The following ZFPM2 variants were observed in gnomAD, a reference collection of about 807,000 sequenced individuals.
ZFPM2 encodes zinc finger protein ZFPM2.
ZFPM2 carries 20 observed loss-of-function variants against 98.6 expected under a neutral mutation model. The observed-to-expected ratio is 0.20, with a 90% CI of 0.14 to 0.29. ZFPM2 has a LOEUF of 0.29. ZFPM2 is among the 10% of genes least tolerant of loss of function. The pLI is 1.00. For synonymous variants in ZFPM2, 518 were observed against 502.7 expected, an observed-to-expected ratio of 1.03 and a Z score of -0.41; for missense variants, 1,310 against 1,388.6, an observed-to-expected ratio of 0.94 and a Z score of 0.90.
intron 4 of ZFPM2, among the ~76,000 whole-genome samples, chr8:105,617,400 A>G (rs922092970): frequency 1.3e-5 from 2 of 152,126 alleles, no homozygotes; most frequent in Admixed American, 6.5e-5. Flanking sequence ...AGCAACACCA[A>G]TCTAATCTGA....
At chr8:105,396,817 C>G (rs1397024184) in intron 1 of ZFPM2, among the ~76,000 whole-genome samples, 2 of 152,082 alleles carry the variant, frequency 1.3e-5, no homozygotes, top group Admixed American at 6.6e-5. Context: ...TTATTGTGTT[C>G]CAGTGGCTGT....
At chr8:105,327,208 G>C (rs923748696) in intron 1 of ZFPM2, among the ~76,000 whole-genome samples, 4 of 151,490 alleles carry the variant, frequency 2.6e-5, no homozygotes, top group Non-Finnish European at 5.9e-5. Context: ...TCTTGCAAGT[G>C]TAAGTTAATC....
intron 2 of ZFPM2, among the ~76,000 whole-genome samples, chr8:105,425,234 A>G (rs1240612422): frequency 2.6e-5 from 4 of 152,114 alleles, no homozygotes; most frequent in African/African-American, 9.7e-5. Context: ...CACAGAAGAG[A>G]GTTGCGGTAA....
rs550828802 is a variant in ZFPM2 at position 105,585,083 on chromosome 8, C to T, written c.420+23602C>T. Among the ~76,000 whole-genome samples, 7 of 152,288 alleles carry T rather than the reference C, an allele frequency of 4.6e-5. No individual in the cohort carries two copies. In the East Asian group the frequency reaches 1.4e-3, roughly 29 times the overall value. On this transcript the variant is annotated intron_variant, in intron 4 of 7. Coordinates refer to ENST00000407775, the MANE Select transcript of ZFPM2 (RefSeq NM_012082.4). Reference sequence around the variant, plus strand: ...GGGGCCTAATCCAGACAAGGCAGTGCTTCACACTGTAATCCTCATACATTA... The same window carrying T: ...GGGGCCTAATCCAGACAAGGCAGTGTTTCACACTGTAATCCTCATACATTA...
intron 4 of ZFPM2, among the ~76,000 whole-genome samples, chr8:105,588,919 A>G (rs958203366): frequency 6.6e-6 from 1 of 152,216 alleles, no homozygotes; most frequent in Non-Finnish European, 1.5e-5. Flanking sequence ...TGTTGAGAAG[A>G]TGGTCACAAA....
At chr8:105,456,606 T>A (rs1043972513) in intron 3 of ZFPM2, among the ~76,000 whole-genome samples, 6 of 152,300 alleles carry the variant, frequency 3.9e-5, no homozygotes, top group African/African-American at 1.4e-4. Flanking sequence ...CTACTCTGAA[T>A]CTACTATCCA....
intron 1 of ZFPM2, chr8:105,418,785 T>C (rs1220299751): frequency 7.8e-6 from 4 of 513,076 alleles, no homozygotes; most frequent in South Asian, 1.5e-5. Flanking sequence ...TAAAAGAGAC[T>C]TGTACTCTTT....
chr8:105,732,156 G>A (rs915553780), intron 5 of ZFPM2, among the ~76,000 whole-genome samples: 2 of 151,740 alleles, frequency 1.3e-5, no homozygotes, highest in Non-Finnish European at 2.9e-5. Flanking sequence ...ATTTGAAATA[G>A]CATTCGTATG....
chr8:105,423,224 T>C (rs1337558047), intron 2 of ZFPM2, among the ~76,000 whole-genome samples: 8 of 152,188 alleles, frequency 5.3e-5, no homozygotes, highest in Admixed American at 5.2e-4. Flanking sequence ...AATTCTTAAT[T>C]ATATAAGTCC....
At chr8:105,781,900 CAA>C (rs1333102041) in intron 5 of ZFPM2, among the ~76,000 whole-genome samples, 6 of 152,106 alleles carry the variant, frequency 3.9e-5, no homozygotes, top group Non-Finnish European at 7.4e-5. Context: ...GCCAATTATT[CAA>C]ACTTAGTAAT....
chr8:105,554,403 C>G (rs1256149551), intron 3 of ZFPM2, among the ~76,000 whole-genome samples: 1 of 152,216 alleles, frequency 6.6e-6, no homozygotes, highest in East Asian at 1.9e-4. Context: ...CATACTTCAG[C>G]CACCTTGGCT....
At chr8:105,672,066 TAA>T (rs1444082851) in intron 5 of ZFPM2, among the ~76,000 whole-genome samples, 3 of 152,298 alleles carry the variant, frequency 2.0e-5, no homozygotes, top group Admixed American at 6.5e-5. Flanking sequence ...ATCAAATAAA[TAA>T]AGTCTTATAC....
At chr8:105,670,636 T>A (rs1192114680) in intron 5 of ZFPM2, among the ~76,000 whole-genome samples, 1 of 152,170 alleles carries the variant, frequency 6.6e-6, no homozygotes, top group Non-Finnish European at 1.5e-5. Context: ...CCTGTACATT[T>A]TATACATTAC....
chr8:105,739,884 C>T (rs1160520260), intron 5 of ZFPM2, among the ~76,000 whole-genome samples: 2 of 151,948 alleles, frequency 1.3e-5, no homozygotes, highest in Non-Finnish European at 2.9e-5. Flanking sequence ...GCCATGCTTT[C>T]AGGGCTATTT....
At chr8:105,703,261 G>A (rs1196732959) in intron 5 of ZFPM2, among the ~76,000 whole-genome samples, 2 of 152,086 alleles carry the variant, frequency 1.3e-5, no homozygotes, top group Admixed American at 1.3e-4. Context: ...TGTCTACTTG[G>A]CACTGCACTT....
intron 3 of ZFPM2, among the ~76,000 whole-genome samples, chr8:105,485,234 G>T (rs1813206739): frequency 6.6e-6 from 1 of 152,168 alleles, no homozygotes; most frequent in African/African-American, 2.4e-5. Flanking sequence ...CAGCCAGCCT[G>T]CAGGGAGCAG....
intron 3 of ZFPM2, among the ~76,000 whole-genome samples, chr8:105,468,469 A>G (rs1017070069): frequency 1.3e-5 from 2 of 152,056 alleles, no homozygotes; most frequent in African/African-American, 4.8e-5. Context: ...GCTGTGTGTT[A>G]CTTTGCAACC....
At chr8:105,630,506 T>C (rs893560481) in intron 4 of ZFPM2, among the ~76,000 whole-genome samples, 4 of 152,200 alleles carry the variant, frequency 2.6e-5, no homozygotes, top group African/African-American at 9.6e-5. Context: ...TCAGCAAGTC[T>C]TTGCTCCATT....
At chr8:105,510,431 A>C (rs1352538468) in intron 3 of ZFPM2, among the ~76,000 whole-genome samples, 3 of 149,140 alleles carry the variant, frequency 2.0e-5, no homozygotes, top group Non-Finnish European at 4.4e-5. Context: ...GTTTGTTTCC[A>C]AGGAATTGCT....
Sources: allele counts gnomAD v4.1 joint callset (sites outside exome capture counted in the v4.1 genomes callset), GRCh38; gene constraint gnomAD v4.1.1; transcripts MANE v1.5; gene names NCBI Gene and HGNC (gene_info 2026-07-23, HGNC 2026-07-21).